Variants in SEMA5B observed in about 807,000 individuals in gnomAD.
SEMA5B encodes the protein semaphorin 5B.
A neutral mutation model predicts 135.0 loss-of-function variants in SEMA5B; 66 were observed. That is an observed-to-expected ratio of 0.49 (90% CI 0.40 to 0.60). The LOEUF is 0.60. SEMA5B is among the 20% of genes least tolerant of loss of function. The pLI is 0.00. For missense variants in SEMA5B, 1,501 were observed against 1,566.3 expected, an observed-to-expected ratio of 0.96 and a Z score of 0.70; for synonymous variants, 690 against 639.5, an observed-to-expected ratio of 1.08 and a Z score of -1.19.
intron 1 of SEMA5B, among the ~76,000 whole-genome samples, chr3:122,966,566 A>ATTATTATTTTTT (rs1291373854): frequency 8.6e-6 from 1 of 115,884 alleles, no homozygotes; most frequent in African/African-American, 3.2e-5. Flanking sequence ...TATTATTATT[A>ATTATTATTTTTT]TTTTTTGAGA....
chr3:123,011,128 C>G (rs572541886), intron 1 of SEMA5B, among the ~76,000 whole-genome samples: 2 of 152,196 alleles, frequency 1.3e-5, no homozygotes, highest in African/African-American at 4.8e-5. Context: ...CCCTTCCCCC[C>G]AAAGCTGCCA....
intron 1 of SEMA5B, among the ~76,000 whole-genome samples, chr3:122,962,946 A>G (rs116263180): frequency 0.01 from 1,546 of 152,286 alleles, 23 homozygotes; most frequent in African/African-American, 0.036. Flanking sequence ...GGGTGGCTAC[A>G]GGTCCGATCT....
At position 122,934,872 on chromosome 3, in the gene SEMA5B, CA is replaced by C. The variant is rs71701473; in HGVS notation, c.474+4552del. On this transcript the variant is annotated intron_variant, in intron 5 of 22. Transcript: ENST00000357599. ...CTTAGTGACAGAGTCAGACCCACCT[CA>C]AAAAAAAAAAAAAAGAATCCCTATT... 1.3e-3 allele frequency among the ~76,000 whole-genome samples: 170 copies of C among 132,272 alleles called. 2 individuals are homozygous for C. Among genetic ancestry groups the C allele is most frequent in the African/African-American group, 3.9e-3 (135 of 34,666 alleles). The allele number at this position is 132,272 out of a possible 152,430, so 86.8% of individuals were successfully genotyped here. A position where few individuals can be genotyped will look rare whatever the true frequency, so the allele number is the denominator to read the frequency against.
At chr3:122,984,958 C>T (rs1326319564) in intron 1 of SEMA5B, among the ~76,000 whole-genome samples, 1 of 152,088 alleles carries the variant, frequency 6.6e-6, no homozygotes, top group Non-Finnish European at 1.5e-5. Flanking sequence ...GTTTCTGGAT[C>T]CTAAAACTTT....
chr3:122,974,722 G>A (rs914053024), intron 1 of SEMA5B, among the ~76,000 whole-genome samples: 3 of 152,130 alleles, frequency 2.0e-5, no homozygotes, highest in African/African-American at 4.8e-5. Context: ...TGGTATAAAC[G>A]AAGCCCTTCT....
At chr3:123,017,888 A>C (rs1484467961) in intron 1 of SEMA5B, among the ~76,000 whole-genome samples, 1 of 151,804 alleles carries the variant, frequency 6.6e-6, no homozygotes, top group Non-Finnish European at 1.5e-5. Flanking sequence ...AGCCTGGGCG[A>C]CAGAGTGAGT....
intron 5 of SEMA5B, among the ~76,000 whole-genome samples, chr3:122,938,973 G>C (rs1247621049): frequency 6.6e-6 from 1 of 152,198 alleles, no homozygotes; most frequent in East Asian, 1.9e-4. Flanking sequence ...GACTGGGCTA[G>C]GAAAGGAACT....
chr3:123,023,173 C>T (rs368323137), intron 1 of SEMA5B, among the ~76,000 whole-genome samples: 2 of 152,274 alleles, frequency 1.3e-5, no homozygotes, highest in Non-Finnish European at 2.9e-5. Context: ...TTCCATTAGT[C>T]CAGGCATTTG....
At chr3:122,980,288 C>A (rs9809650) in intron 1 of SEMA5B, among the ~76,000 whole-genome samples, 2 of 151,880 alleles carry the variant, frequency 1.3e-5, no homozygotes, top group African/African-American at 4.8e-5. Context: ...TGGAGAAACC[C>A]TGTCTCTACT....
chr3:122,961,358 A>G, intron 1 of SEMA5B, 57 bp from the exon 2 acceptor site: 9 of 1,521,244 alleles, frequency 5.9e-6, no homozygotes, highest in Non-Finnish European at 8.1e-6. Flanking sequence ...GGCAAAAGAG[A>G]TGAGGTCAGA....
intron 2 of SEMA5B, among the ~76,000 whole-genome samples, chr3:122,951,585 C>T (rs1003586738): frequency 1.3e-5 from 2 of 152,252 alleles, no homozygotes; most frequent in Non-Finnish European, 2.9e-5. Flanking sequence ...GCTGACCCTA[C>T]GTCTCGCAAA....
intron 1 of SEMA5B, among the ~76,000 whole-genome samples, chr3:123,000,249 G>A (rs972828082): frequency 1.3e-5 from 2 of 152,110 alleles, no homozygotes; most frequent in African/African-American, 2.4e-5. Flanking sequence ...CAGCCCTCCC[G>A]AAGGATAGAA....
At chr3:122,987,543 C>T (rs143576770) in intron 1 of SEMA5B, among the ~76,000 whole-genome samples, 3 of 152,334 alleles carry the variant, frequency 2.0e-5, no homozygotes, top group Non-Finnish European at 2.9e-5. Context: ...TTTGGGCATT[C>T]TGCTCCTTGG....
chr3:122,912,140 G>C, intron 19 of SEMA5B, 32 bp downstream of exon 19: 13 of 1,581,118 alleles, frequency 8.2e-6, no homozygotes, highest in Non-Finnish European at 1.0e-5. Context: ...GCTCCATGTC[G>C]CTTCCCAGCC....
chr3:122,961,294 A>C lies in SEMA5B; in HGVS notation c.-31T>G. ...AGACACAGGCCAGGCACCAGCTGGA[A>C]CCACTCACTGAAGGGGGAGAATTTT... On this transcript the variant is annotated 5_prime_UTR_variant, in exon 2 of 23. Transcript: ENST00000357599. 2 of 1,613,036 alleles carry C rather than the reference A, an allele frequency of 1.2e-6. No individual in the cohort carries two copies. The highest frequency in any genetic ancestry group is 1.7e-6 in the Non-Finnish European group (2 of 1,179,498).
At chr3:122,911,105 C>T (rs868849003) in intron 21 of SEMA5B, 60 bp from the exon 22 acceptor site, 1 of 1,411,386 alleles carries the variant, frequency 7.1e-7, no homozygotes, top group Non-Finnish European at 9.7e-7. Context: ...AGACTCCTGC[C>T]TGCCTCCCTG....
At chr3:122,933,542 C>A (rs187848886) in intron 5 of SEMA5B, among the ~76,000 whole-genome samples, 1 of 152,066 alleles carries the variant, frequency 6.6e-6, no homozygotes, top group Non-Finnish European at 1.5e-5. Context: ...TAGGACGGGT[C>A]TTTTTTGGGA....
At chr3:122,932,606 G>A (rs1939035654) in intron 5 of SEMA5B, among the ~76,000 whole-genome samples, 1 of 152,006 alleles carries the variant, frequency 6.6e-6, no homozygotes. Context: ...ATATCCCGCT[G>A]GGCAGCAAGC....
chr3:122,960,997 TA>T (rs1553777593), intron 2 of SEMA5B, 142 bp downstream of exon 2: 1 of 863,100 alleles, frequency 1.2e-6, no homozygotes, highest in Non-Finnish European at 1.7e-6. Flanking sequence ...CCACAATTTT[TA>T]AAAAGGAAGA....
Sources: gnomAD v4.1 joint callset for allele counts (sites outside exome capture counted in the v4.1 genomes callset) on GRCh38, gnomAD v4.1.1 for gene constraint, MANE v1.5 for transcripts, NCBI Gene and HGNC (gene_info 2026-07-23, HGNC 2026-07-21) for gene names.